ADAMTSL1: variants seen among roughly 807,000 people sequenced by gnomAD.
ADAMTSL1 encodes ADAMTS like 1.
A neutral mutation model predicts 201.8 loss-of-function variants in ADAMTSL1; 126 were observed. That is an observed-to-expected ratio of 0.62 (90% CI 0.54 to 0.72). ADAMTSL1 has a LOEUF of 0.72. ADAMTSL1 is among the 30% of genes least tolerant of loss of function. The pLI is 0.00. For synonymous variants in ADAMTSL1, 1,121 were observed against 903.4 expected (o/e 1.24, Z -4.32); for missense variants, 2,679 against 2,277.8 (o/e 1.18, Z -3.59).
At chr9:18,314,606 C>G (rs1463625273) in intron 2 of ADAMTSL1, among the ~76,000 whole-genome samples, 3 of 151,808 alleles carry the variant, frequency 2.0e-5, no homozygotes, top group East Asian at 1.9e-4. Context: ...GGTTCATGGT[C>G]TCGCTGGCCT....
At chr9:18,330,286 A>G (rs1018151220) in intron 2 of ADAMTSL1, among the ~76,000 whole-genome samples, 7 of 152,028 alleles carry the variant, frequency 4.6e-5, no homozygotes, top group Non-Finnish European at 7.4e-5. Flanking sequence ...GAAATCACAT[A>G]TTAGGACTCA....
At chr9:18,664,090 CT>C (rs948977511) in intron 9 of ADAMTSL1, among the ~76,000 whole-genome samples, 2 of 151,830 alleles carry the variant, frequency 1.3e-5, no homozygotes, top group South Asian at 2.1e-4. Flanking sequence ...CAGGAAGCTG[CT>C]TTTTTTTATT....
chr9:18,600,048 C>T (rs1824534985), intron 4 of ADAMTSL1, among the ~76,000 whole-genome samples: 1 of 148,410 alleles, frequency 6.7e-6, no homozygotes, highest in Admixed American at 6.7e-5. Context: ...TTGGTCTGTA[C>T]TCCAATACAG....
intron 1 of ADAMTSL1, among the ~76,000 whole-genome samples, chr9:18,032,679 C>T (rs1352686077): frequency 6.6e-6 from 1 of 152,190 alleles, no homozygotes; most frequent in East Asian, 1.9e-4. Flanking sequence ...TTGTAAGCTT[C>T]TGGGCTCCGC....
intron 1 of ADAMTSL1, among the ~76,000 whole-genome samples, chr9:18,107,356 T>C (rs572931988): frequency 2.0e-5 from 3 of 152,306 alleles, no homozygotes; most frequent in African/African-American, 7.2e-5. Flanking sequence ...TTTAATTATG[T>C]TAGTGCTAGA....
intron 23 of ADAMTSL1, among the ~76,000 whole-genome samples, chr9:18,886,507 T>G (rs1015943304): frequency 6.6e-6 from 1 of 150,950 alleles, no homozygotes; most frequent in African/African-American, 2.4e-5. Flanking sequence ...ATATAAAAAC[T>G]AGTGGCTTAT....
intron 1 of ADAMTSL1, among the ~76,000 whole-genome samples, chr9:17,944,261 C>T (rs995223522): frequency 2.6e-4 from 39 of 152,098 alleles, no homozygotes; most frequent in African/African-American, 8.0e-4. Context: ...ATACAAGGGA[C>T]GTGAAGGACA....
intron 4 of ADAMTSL1, among the ~76,000 whole-genome samples, chr9:18,596,082 A>T (rs1824244990): frequency 6.6e-6 from 1 of 152,198 alleles, no homozygotes; most frequent in East Asian, 1.9e-4. Context: ...GACAGTTTTG[A>T]AACTGAAAGG....
At chr9:18,265,592 C>G (rs34263679) in intron 2 of ADAMTSL1, among the ~76,000 whole-genome samples, 19 of 152,202 alleles carry the variant, frequency 1.2e-4, no homozygotes, top group African/African-American at 3.9e-4. Flanking sequence ...AAGGTATATA[C>G]CCTGAGCACA....
At chr9:18,346,546 C>T (rs1034534393) in intron 2 of ADAMTSL1, among the ~76,000 whole-genome samples, 1 of 152,158 alleles carries the variant, frequency 6.6e-6, no homozygotes, top group African/African-American at 2.4e-5. Flanking sequence ...AAAACCCTAG[C>T]ACTGTGCCTG....
At chr9:18,473,170 C>G (rs1435734143), upstream of ADAMTSL1, among the ~76,000 whole-genome samples, 5 of 152,160 alleles carry the variant, frequency 3.3e-5, no homozygotes, top group African/African-American at 1.2e-4. Context: ...TGCATTATAA[C>G]AGCTCTGATA....
chr9:18,662,267 TC>T (rs1564129689), intron 9 of ADAMTSL1, among the ~76,000 whole-genome samples, 194 bp downstream of exon 9: 1 of 152,242 alleles, frequency 6.6e-6, no homozygotes, highest in East Asian at 1.9e-4. Flanking sequence ...CGAGGCCATC[TC>T]GGAGTCTACA....
At chr9:17,913,326 G>C (rs1444206158) in intron 1 of ADAMTSL1, among the ~76,000 whole-genome samples, 1 of 152,176 alleles carries the variant, frequency 6.6e-6, no homozygotes, top group African/African-American at 2.4e-5. Flanking sequence ...TCCTACCCAT[G>C]AGCATGGAAT....
At chr9:17,970,137 C>T (rs1291485939) in intron 1 of ADAMTSL1, among the ~76,000 whole-genome samples, 1 of 151,938 alleles carries the variant, frequency 6.6e-6, no homozygotes, top group East Asian at 1.9e-4. Context: ...TCATCATTTT[C>T]CCCTAGTTCC....
At chr9:18,117,658 C>T (rs1371216548) in intron 1 of ADAMTSL1, among the ~76,000 whole-genome samples, 1 of 152,152 alleles carries the variant, frequency 6.6e-6, no homozygotes, top group African/African-American at 2.4e-5. Context: ...TTATTTATTA[C>T]ATTTATCATT....
intron 3 of ADAMTSL1, among the ~76,000 whole-genome samples, chr9:18,560,220 G>A (rs562434925): frequency 6.6e-6 from 1 of 152,224 alleles, no homozygotes. Flanking sequence ...TAGCATGAAG[G>A]GGTGTTGAAT....
At chr9:17,983,076 C>T (rs1778186) in intron 1 of ADAMTSL1, among the ~76,000 whole-genome samples, 106,067 of 113,596 alleles carry the variant, frequency 0.93, 49,860 homozygotes, top group East Asian at 1. Context: ...TTCTTTCTTT[C>T]TTTTTTTTTT....
intron 1 of ADAMTSL1, among the ~76,000 whole-genome samples, chr9:18,087,554 G>A (rs1823820185): frequency 6.6e-6 from 1 of 152,070 alleles, no homozygotes; most frequent in African/African-American, 2.4e-5. Context: ...CTAGAGCCAT[G>A]TGACTATGTA....
At chr9:18,902,858 G>T (rs1053503200) in intron 26 of ADAMTSL1, among the ~76,000 whole-genome samples, 1 of 152,236 alleles carries the variant, frequency 6.6e-6, no homozygotes, top group Non-Finnish European at 1.5e-5. Flanking sequence ...GAGAAGACTC[G>T]AATTCCTAAA....
Sources: gnomAD v4.1 joint callset for allele counts (sites outside exome capture counted in the v4.1 genomes callset) on GRCh38, gnomAD v4.1.1 for gene constraint, MANE v1.5 for transcripts, NCBI Gene and HGNC (gene_info 2026-07-23, HGNC 2026-07-21) for gene names.